SNTB1: variants seen among roughly 807,000 people sequenced by gnomAD.
SNTB1 encodes the protein beta-1-syntrophin.
Under a neutral mutation model 48.9 loss-of-function variants are expected in SNTB1, and 36 were observed. The ratio of observed to expected loss-of-function variants is 0.74; its 90% CI spans 0.56 to 0.97. The LOEUF (loss-of-function observed/expected upper bound fraction) is 0.97. SNTB1 is among the 50% of genes least tolerant of loss of function. The pLI is 0.00. For missense variants in SNTB1, 786 were observed against 703.4 expected (o/e 1.12, Z -1.33); for synonymous variants, 299 against 294.6 (o/e 1.01, Z -0.15).
intron 4 of SNTB1, among the ~76,000 whole-genome samples, chr8:120,566,795 G>A (rs1815756879): frequency 6.6e-6 from 1 of 152,142 alleles, no homozygotes; most frequent in Non-Finnish European, 1.5e-5. Context: ...CCCGCTGCTG[G>A]GCAAGCCAGA....
chr8:120,667,572 C>G (rs1328470258), intron 2 of SNTB1, among the ~76,000 whole-genome samples: 3 of 152,188 alleles, frequency 2.0e-5, no homozygotes, highest in African/African-American at 7.2e-5. Context: ...TGCTTTGTTG[C>G]CCAGGCTGGT....
chr8:120,608,518 C>T (rs372539460), intron 3 of SNTB1, among the ~76,000 whole-genome samples: 3 of 152,282 alleles, frequency 2.0e-5, no homozygotes, highest in South Asian at 2.1e-4. Context: ...AGAGAGAAGA[C>T]GGCCATCTAC....
chr8:120,639,820 T>C (rs201038284), intron 2 of SNTB1, among the ~76,000 whole-genome samples: 10 of 152,154 alleles, frequency 6.6e-5, no homozygotes, highest in African/African-American at 2.4e-4. Flanking sequence ...CATGATGCCT[T>C]CAGCTTTGCT....
intron 1 of SNTB1, among the ~76,000 whole-genome samples, chr8:120,714,700 G>T (rs1246460370): frequency 2.6e-5 from 4 of 151,994 alleles, no homozygotes; most frequent in Admixed American, 2.6e-4. Flanking sequence ...TGGTAACTTG[G>T]GCAAGAATGA....
Position 120,706,278 on chromosome 8 carries a change from G to A in SNTB1, c.572-12370C>T, listed in dbSNP as rs143147831. 1.6e-3 allele frequency among the ~76,000 whole-genome samples: 247 copies of A among 152,114 alleles called. 1 individual carries two copies. Among genetic ancestry groups the A allele is most frequent in the Non-Finnish European group, 3.1e-3 (209 of 68,004 alleles). On this transcript the variant is annotated intron_variant, in intron 1 of 6. Coordinates refer to ENST00000517992, the MANE Select transcript of SNTB1 (RefSeq NM_021021.4). ...ATCATTTCTTTCATTCATTTCTTGC[G>A]CATAAATTAAGCACTTACTCTGTGC...
At chr8:120,695,247 T>C (rs886378260) in intron 1 of SNTB1, among the ~76,000 whole-genome samples, 4 of 152,196 alleles carry the variant, frequency 2.6e-5, no homozygotes, top group African/African-American at 9.7e-5. Context: ...GATGAATCGG[T>C]TCCACCAACT....
intron 2 of SNTB1, among the ~76,000 whole-genome samples, chr8:120,682,116 T>C (rs1817941044): frequency 1.3e-5 from 2 of 151,556 alleles, no homozygotes; most frequent in Admixed American, 6.6e-5. Flanking sequence ...AAAAAGGTAA[T>C]GTAAGCAATA....
At chr8:120,804,611 A>G (rs1426027018) in intron 1 of SNTB1, among the ~76,000 whole-genome samples, 2 of 152,162 alleles carry the variant, frequency 1.3e-5, no homozygotes, top group African/African-American at 4.8e-5. Flanking sequence ...CTAGAGCCTT[A>G]CCAACCTCAT....
chr8:120,779,072 G>C (rs937182334), intron 1 of SNTB1, among the ~76,000 whole-genome samples: 1 of 152,126 alleles, frequency 6.6e-6, no homozygotes, highest in Non-Finnish European at 1.5e-5. Context: ...AAAGAGCAGT[G>C]GGCACAGATG....
rs569270746 is a variant in SNTB1, at chr8:120,747,058, G to A, written c.572-53150C>T. Among the ~76,000 whole-genome samples, 19 of 148,842 alleles carry A rather than the reference G, an allele frequency of 1.3e-4. No homozygotes were observed. The South Asian group carries it at 4.1e-3, about 32-fold the overall frequency. Reference sequence around the variant, plus strand: ...TTTTTCAGAGAAAAATGTCCATGGTGTATTTTTAAGTAAAAAAGAAAAAAA... The same window carrying A: ...TTTTTCAGAGAAAAATGTCCATGGTATATTTTTAAGTAAAAAAGAAAAAAA... On this transcript the variant is annotated intron_variant, in intron 1 of 6. Transcript: ENST00000517992.
intron 1 of SNTB1, among the ~76,000 whole-genome samples, chr8:120,802,322 A>G (rs1820243104): frequency 6.6e-6 from 1 of 152,174 alleles, no homozygotes; most frequent in African/African-American, 2.4e-5. Context: ...AAACTTTCAA[A>G]GAAGTTTGAA....
intron 1 of SNTB1, among the ~76,000 whole-genome samples, chr8:120,726,978 C>T (rs1401865266): frequency 6.6e-6 from 1 of 152,156 alleles, no homozygotes; most frequent in African/African-American, 2.4e-5. Flanking sequence ...TTTTTTCCCT[C>T]CTTTCTTTTT....
At chr8:120,781,636 CT>C (rs1396243982) in intron 1 of SNTB1, among the ~76,000 whole-genome samples, 2 of 152,164 alleles carry the variant, frequency 1.3e-5, no homozygotes, top group African/African-American at 4.8e-5. Flanking sequence ...CCTACTAGGT[CT>C]GTGTATTATA....
intron 1 of SNTB1, among the ~76,000 whole-genome samples, chr8:120,755,652 T>C (rs893631535): frequency 1.3e-5 from 2 of 152,100 alleles, no homozygotes; most frequent in African/African-American, 4.8e-5. Flanking sequence ...ACAATTATAA[T>C]AGTAGTAGTG....
rs566954252 is a variant in SNTB1, at chr8:120,629,770, T to C, written c.996+2674A>G. Among the ~76,000 whole-genome samples, 4 of 152,376 alleles carry C rather than the reference T, an allele frequency of 2.6e-5. No individual in the cohort carries two copies. The East Asian group carries it at 5.8e-4, about 22-fold the overall frequency. On this transcript the variant is annotated intron_variant, in intron 3 of 6. Transcript: ENST00000517992. ...CATTCTTGCTTCTCATAATTATCCA[T>C]GATCATTATTGCTCTTACAGATTCT... is the stretch of plus-strand genomic sequence containing the variant.
At chr8:120,762,213 G>A (rs915184521) in intron 1 of SNTB1, among the ~76,000 whole-genome samples, 1 of 152,146 alleles carries the variant, frequency 6.6e-6, no homozygotes, top group African/African-American at 2.4e-5. Flanking sequence ...AGCACCAGCT[G>A]GCACGGGGCA....
intron 4 of SNTB1, among the ~76,000 whole-genome samples, chr8:120,557,315 A>G (rs1269951190): frequency 6.6e-6 from 1 of 152,216 alleles, no homozygotes; most frequent in East Asian, 1.9e-4. Flanking sequence ...CATCAAAGCC[A>G]TCTCTGGACC....
intron 1 of SNTB1, among the ~76,000 whole-genome samples, chr8:120,791,261 TC>T (rs1380193544): frequency 6.6e-6 from 1 of 151,536 alleles, no homozygotes; most frequent in East Asian, 1.9e-4. Context: ...GAAGAATGAA[TC>T]CGGATCCTAT....
chr8:120,623,188 C>A (rs774317105), intron 3 of SNTB1, among the ~76,000 whole-genome samples: 1 of 152,206 alleles, frequency 6.6e-6, no homozygotes, highest in Non-Finnish European at 1.5e-5. Context: ...CAAGAATCTC[C>A]GTCTCAGACT....
Sources: gnomAD v4.1 joint callset for allele counts (sites outside exome capture counted in the v4.1 genomes callset) on GRCh38, gnomAD v4.1.1 for gene constraint, MANE v1.5 for transcripts, NCBI Gene and HGNC (gene_info 2026-07-23, HGNC 2026-07-21) for gene names.